ZSCAN2: variants seen among roughly 807,000 people sequenced by gnomAD.
ZSCAN2 encodes zinc finger and SCAN domain-containing protein 2.
Under a neutral mutation model 47.8 loss-of-function variants are expected in ZSCAN2, and 26 were observed. That is an observed-to-expected ratio of 0.54 (90% CI 0.40 to 0.75). The LOEUF (loss-of-function observed/expected upper bound fraction) is 0.75, where lower values mean the gene tolerates loss of function less well. ZSCAN2 is among the 30% of genes least tolerant of loss of function. The pLI is 0.00. For missense variants in ZSCAN2, 732 were observed against 785.4 expected, an observed-to-expected ratio of 0.93 and a Z score of 0.81; for synonymous variants, 305 against 288.7, an observed-to-expected ratio of 1.06 and a Z score of -0.57.
Position 84,601,582 on chromosome 15 carries a change from G to C in ZSCAN2, c.-109+447G>C, listed in dbSNP as rs138010535. 4.0e-4 allele frequency among the ~76,000 whole-genome samples: 61 copies of C among 152,294 alleles called. 2 individuals are homozygous for C. The East Asian group carries it at 0.012, about 29-fold the overall frequency. ...AGTCATTTGAGTAAATACACGTTGA[G>C]AGCTTCGGTTTTCCCACTAGCTTTT... is the stretch of plus-strand genomic sequence containing the variant. On this transcript the variant is annotated intron_variant, in intron 1 of 2. Transcript: ENST00000546148.
At chr15:84,608,282 C>A (rs921699848) in intron 2 of ZSCAN2, among the ~76,000 whole-genome samples, 1 of 151,996 alleles carries the variant, frequency 6.6e-6, no homozygotes, top group Non-Finnish European at 1.5e-5. Flanking sequence ...GTAATCCCAG[C>A]ACTTGGTGAG....
intron 2 of ZSCAN2, among the ~76,000 whole-genome samples, chr15:84,617,915 C>T (rs775598844): frequency 4.6e-5 from 7 of 152,064 alleles, no homozygotes; most frequent in South Asian, 2.1e-4. Flanking sequence ...ACTACCGCCT[C>T]GGTGACAGAC....
At chr15:84,602,726 T>C (rs150536578) in intron 1 of ZSCAN2, among the ~76,000 whole-genome samples, 81 of 151,972 alleles carry the variant, frequency 5.3e-4, no homozygotes, top group Non-Finnish European at 1.0e-3. Flanking sequence ...GTAGCTGGGA[T>C]TACAGGCGCC....
In ZSCAN2 at chr15:84,604,147, C is replaced by G; in HGVS notation, c.220C>G (p.Gln74Glu). 6.2e-7 allele frequency: 1 copy of G among 1,613,832 alleles called. No homozygotes were observed. Among genetic ancestry groups the G allele is most frequent in the Middle Eastern group, 1.7e-4 (1 of 6,060 alleles). ...GPQEEVTRGP[Q>E]GALGRLRELC... ...CCAGGAGGAGGTGACCAGGGGACCACAGGGTGCACTCGGCCGCCTCCGAGA... is the reference window on the plus strand; with the variant it reads ...CCAGGAGGAGGTGACCAGGGGACCAGAGGGTGCACTCGGCCGCCTCCGAGA... The change falls in exon 2 of 3, where the codon CAG becomes GAG. Residue 74 changes from glutamine (Q) to glutamate (E), a missense_variant. Physicochemically the swap from Gln to Glu is conservative, Grantham distance 29. This residue lies in a region of ZSCAN2 where 320 missense variants were observed against 287.4 expected (regional missense o/e 1.11). Transcript: ENST00000546148.
chr15:84,608,990 A>G (rs566658450), intron 2 of ZSCAN2, among the ~76,000 whole-genome samples: 1 of 152,194 alleles, frequency 6.6e-6, no homozygotes, highest in African/African-American at 2.4e-5. Context: ...GAGGTTATCA[A>G]CTTCAAGCCT....
chr15:84,601,453 C>T (rs1895200178), intron 1 of ZSCAN2, among the ~76,000 whole-genome samples: 1 of 152,156 alleles, frequency 6.6e-6, no homozygotes, highest in African/African-American at 2.4e-5. Flanking sequence ...TCAGAGGGGG[C>T]GTGTCGTGCC....
In ZSCAN2 at chr15:84,604,160, G is replaced by A; in HGVS notation, c.233G>A (p.Gly78Asp). 1 of 1,613,566 alleles carries A rather than the reference G, an allele frequency of 6.2e-7. No homozygotes were observed. Among genetic ancestry groups the A allele is most frequent in the Non-Finnish European group, 8.5e-7 (1 of 1,179,790 alleles). The change falls in exon 2 of 3, where the codon GGC becomes GAC. Residue 78 changes from glycine to aspartate, a missense_variant. By Grantham distance (94) the Gly-to-Asp change is moderately conservative. Transcript: ENST00000546148. The stretch of plus-strand genomic sequence containing the variant: ...ACCAGGGGACCACAGGGTGCACTCG[G>A]CCGCCTCCGAGAGCTCTGCCGGCGC... ...EVTRGPQGALGRLRELCRRWL... is the reference protein window; with the variant it reads ...EVTRGPQGALDRLRELCRRWL...
intron 2 of ZSCAN2, among the ~76,000 whole-genome samples, chr15:84,604,660 G>A (rs1049378045): frequency 1.3e-5 from 2 of 152,026 alleles, no homozygotes; most frequent in Non-Finnish European, 1.5e-5. Flanking sequence ...TCACGTGGTT[G>A]TGCAAGAAAC....
chr15:84,610,613 A>C (rs1567008987), intron 2 of ZSCAN2, among the ~76,000 whole-genome samples: 2 of 151,306 alleles, frequency 1.3e-5, no homozygotes, highest in Non-Finnish European at 2.9e-5. Context: ...CAGCCTCCCG[A>C]GTAGGTGGGA....
intron 2 of ZSCAN2, among the ~76,000 whole-genome samples, chr15:84,613,588 G>T (rs12594450): frequency 6.6e-6 from 1 of 152,044 alleles, no homozygotes; most frequent in Non-Finnish European, 1.5e-5. Flanking sequence ...GATTACAGGC[G>T]TGAGCCACTG....
At position 84,614,738 on chromosome 15, in the gene ZSCAN2, G is replaced by T. The variant is rs112350359; in HGVS notation, c.407-5864G>T. Reference sequence around the variant, plus strand: ...GGGTTCAAGCAGTTCTCCTGCCTCAGCCTCCGGAGTAGTTGGGATTACAGT... The same window carrying T: ...GGGTTCAAGCAGTTCTCCTGCCTCATCCTCCGGAGTAGTTGGGATTACAGT... On this transcript the variant is annotated intron_variant, in intron 2 of 2. Transcript: ENST00000546148. 4.3e-3 allele frequency: 649 copies of T among 151,880 alleles called. 4 individuals are homozygous for T. Among genetic ancestry groups the T allele is most frequent in the Non-Finnish European group, 3.5e-3 (238 of 68,008 alleles). The allele number at this position is 151,880 out of a possible 1,614,324, so 9.4% of individuals were successfully genotyped here. A position where few individuals can be genotyped will look rare whatever the true frequency, so the allele number is the denominator to read the frequency against.
chr15:84,609,083 G>T (rs537382809), intron 2 of ZSCAN2, among the ~76,000 whole-genome samples: 4 of 152,322 alleles, frequency 2.6e-5, no homozygotes, highest in Non-Finnish European at 5.9e-5. Context: ...AGCCATCAGA[G>T]GCAACAGGTG....
In ZSCAN2 at chr15:84,616,223, T is replaced by TGA. The variant is rs1895688869; in HGVS notation, c.407-4376_407-4375dup. ...CTGCACTCCAGCCTGGGTGACAGAGTGAGACTTCATCTCAAAAAAATAAAT... is the reference window on the plus strand; with the variant it reads ...CTGCACTCCAGCCTGGGTGACAGAGTGAGAGACTTCATCTCAAAAAAATAAAT... On this transcript the variant is annotated intron_variant, in intron 2 of 2. Transcript: ENST00000546148. 15 of 810,090 alleles carry TGA rather than the reference T, an allele frequency of 1.9e-5. No homozygotes were observed. The Admixed American group carries it at 2.7e-4, about 15-fold the overall frequency. The allele number at this position is 810,090 out of a possible 1,614,324, so 50.2% of individuals were successfully genotyped here. A position where few individuals can be genotyped will look rare whatever the true frequency, so the allele number is the denominator to read the frequency against.
chr15:84,601,603 CTTTTA>C (rs1282980271), intron 1 of ZSCAN2, among the ~76,000 whole-genome samples: 2 of 152,022 alleles, frequency 1.3e-5, no homozygotes, highest in Admixed American at 1.3e-4. Flanking sequence ...TTCCCACTAG[CTTTTA>C]TTTTTTGTCC....
rs1218398563 is a variant in ZSCAN2, at chr15:84,622,339, T to C, written c.*299T>C. ...TTCCTCTGTGCCTCAGTTTCCTCTT[T>C]GGTAAAATGGGGGGAAATGTTTCTC... On this transcript the variant is annotated 3_prime_UTR_variant, in exon 3 of 3. Transcript: ENST00000546148. The C allele has an allele frequency of 1.7e-6, 1 of 573,120 alleles. No individual in the cohort carries two copies. Among genetic ancestry groups the C allele is most frequent in the Non-Finnish European group, 3.2e-6 (1 of 317,150 alleles). The allele number at this position is 573,120 out of a possible 1,614,324, so 35.5% of individuals were successfully genotyped here. A position where few individuals can be genotyped will look rare whatever the true frequency, so the allele number is the denominator to read the frequency against.
At position 84,612,338 on chromosome 15, in the gene ZSCAN2, G is replaced by A. The variant is rs114264762; in HGVS notation, c.406+8005G>A. ...CAGCGGTGTTTGTAAAGATAGGACT[G>A]GTCTTTGAGCAGTACAGTGAAGGGG... On this transcript the variant is annotated intron_variant, in intron 2 of 2. Coordinates refer to ENST00000546148, the MANE Select transcript of ZSCAN2 (RefSeq NM_181877.4). Among the ~76,000 whole-genome samples the A allele has an allele frequency of 6.6e-3, 1,012 of 152,308 alleles. 14 individuals are homozygous for A. Among genetic ancestry groups the A allele is most frequent in the African/African-American group, 0.024 (983 of 41,568 alleles).
chr15:84,604,285 G>A lies in ZSCAN2; in HGVS notation c.358G>A (p.Glu120Lys), dbSNP rs367729178. 6.2e-6 allele frequency: 10 copies of A among 1,613,850 alleles called. No individual in the cohort carries two copies. The African/African-American group carries it at 1.3e-4, about 22-fold the overall frequency. Reference protein sequence around the residue: ...LQEHRPESSEEAAALVEDLTQ... With the variant: ...LQEHRPESSEKAAALVEDLTQ... ...AGAGCATCGGCCTGAAAGCAGTGAG[G>A]AGGCAGCGGCCCTGGTGGAAGACTT... is the stretch of plus-strand genomic sequence containing the variant. Residue 120 changes from glutamate to lysine, a missense_variant, in exon 2 of 3, where the codon GAG (glutamate) becomes AAG (lysine). Transcript: ENST00000546148.
chr15:84,604,395 T>G, intron 2 of ZSCAN2, 62 bp downstream of exon 2: 1 of 1,530,370 alleles, frequency 6.5e-7, no homozygotes, highest in Non-Finnish European at 8.8e-7. Context: ...AGGAGTGTGG[T>G]GTTTCGGAGG....
chr15:84,601,475 C>T (rs1895200649), intron 1 of ZSCAN2, among the ~76,000 whole-genome samples: 1 of 152,154 alleles, frequency 6.6e-6, no homozygotes, highest in Admixed American at 6.5e-5. Flanking sequence ...CAAGTCAGAC[C>T]GCAAATTAGC....
Sources: gnomAD v4.1 joint callset for allele counts (sites outside exome capture counted in the v4.1 genomes callset) on GRCh38, gnomAD v4.1.1 for gene constraint, gnomAD v4.1.1 regional missense constraint, MANE v1.5 for transcripts, NCBI Gene and HGNC (gene_info 2026-07-23, HGNC 2026-07-21) for gene names.